Variants in DOCK3 observed in about 807,000 individuals in gnomAD.
DOCK3 encodes dedicator of cytokinesis protein 3.
A neutral mutation model predicts 265.6 loss-of-function variants in DOCK3; 60 were observed. The ratio of observed to expected loss-of-function variants is 0.23; its 90% CI spans 0.18 to 0.28. The LOEUF (loss-of-function observed/expected upper bound fraction) is 0.28. Among genes scored for constraint, DOCK3 ranks in the 10% least tolerant of loss-of-function variants. DOCK3 has a pLI of 1.00. For synonymous variants in DOCK3, 881 were observed against 938.0 expected, an observed-to-expected ratio of 0.94 and a Z score of 1.11; for missense variants, 1,981 against 2,594.3, an observed-to-expected ratio of 0.76 and a Z score of 5.14.
chr3:51,362,525 A>G lies in DOCK3; in HGVS notation c.5146-2A>G, dbSNP rs771627176. On this transcript the variant is annotated splice_acceptor_variant, in intron 48 of 52. Coordinates refer to ENST00000266037, the MANE Select transcript of DOCK3 (RefSeq NM_004947.5). LOFTEE classifies it high-confidence loss of function. ...ATCCTGCTGATTTTTCTCCCTTTGC[A>G]GCTCGCGTATCCCAACCCCAGGTAC... is the stretch of plus-strand genomic sequence containing the variant. 6.2e-7 allele frequency: 1 copy of G among 1,613,874 alleles called. No homozygotes were observed. Among genetic ancestry groups the G allele is most frequent in the Non-Finnish European group, 8.5e-7 (1 of 1,179,872 alleles).
chr3:50,677,488 C>T (rs143910532), intron 1 of DOCK3, among the ~76,000 whole-genome samples: 1 of 152,274 alleles, frequency 6.6e-6, no homozygotes, highest in Non-Finnish European at 1.5e-5. Context: ...AAAATATAAC[C>T]ATTATCATTT....
In DOCK3 at chr3:51,325,164, A is replaced by G. The variant is rs1354254652; in HGVS notation, c.3403-4974A>G. On this transcript the variant is annotated intron_variant, in intron 32 of 52. Coordinates refer to ENST00000266037, the MANE Select transcript of DOCK3 (RefSeq NM_004947.5). The stretch of plus-strand genomic sequence containing the variant: ...GAATAGGAGAAAATTTTTGCAATCT[A>G]TCCATCTGACAAAGGGCTAACATCC... 2.0e-5 allele frequency among the ~76,000 whole-genome samples: 3 copies of G among 152,292 alleles called. No homozygotes were observed. The East Asian group carries it at 5.8e-4, about 29-fold the overall frequency.
chr3:51,236,474 A>G, intron 20 of DOCK3, 46 bp downstream of exon 20: 1 of 1,531,430 alleles, frequency 6.5e-7, no homozygotes, highest in South Asian at 1.2e-5. Flanking sequence ...TATTCCTGTC[A>G]TATATTTCAG....
chr3:50,995,818 T>C (rs1349834644), intron 5 of DOCK3, among the ~76,000 whole-genome samples: 2 of 152,172 alleles, frequency 1.3e-5, no homozygotes, highest in African/African-American at 4.8e-5. Flanking sequence ...ATGTCAGGCA[T>C]TGGTCCTGTA....
chr3:50,945,843 A>C (rs2076411837), intron 5 of DOCK3, among the ~76,000 whole-genome samples: 1 of 152,136 alleles, frequency 6.6e-6, no homozygotes, highest in South Asian at 2.1e-4. Context: ...AAATGTCACA[A>C]TTTGCTAGCT....
At position 51,235,579 on chromosome 3, in the gene DOCK3, GT is replaced by G. The variant is rs139009330; in HGVS notation, c.1918-765del. 5.6e-3 allele frequency among the ~76,000 whole-genome samples: 846 copies of G among 151,800 alleles called. 4 individuals are homozygous for G. The highest frequency in any genetic ancestry group is 0.019 in the African/African-American group (790 of 41,364). On this transcript the variant is annotated intron_variant, in intron 19 of 52. Coordinates refer to ENST00000266037, the MANE Select transcript of DOCK3 (RefSeq NM_004947.5). ...CCCAAAGACCATTAACCCATGGCCA[GT>G]CTTGACCCATCATTATTACCCCTAT...
intron 31 of DOCK3, among the ~76,000 whole-genome samples, chr3:51,313,957 T>G (rs2083230111): frequency 6.6e-6 from 1 of 152,188 alleles, no homozygotes; most frequent in African/African-American, 2.4e-5. Flanking sequence ...AAACATTTGC[T>G]TCTTAGAATT....
At chr3:50,833,794 T>G (rs2045337675) in intron 2 of DOCK3, among the ~76,000 whole-genome samples, 1 of 152,214 alleles carries the variant, frequency 6.6e-6, no homozygotes, top group Admixed American at 6.5e-5. Context: ...TGTGTCCTGT[T>G]GCAAAAGAGA....
chr3:51,378,419 C>G (rs1465560586), intron 51 of DOCK3, among the ~76,000 whole-genome samples: 1 of 152,214 alleles, frequency 6.6e-6, no homozygotes, highest in Non-Finnish European at 1.5e-5. Context: ...AGCTCCTTCC[C>G]TTCCAAAGCC....
chr3:50,988,692 C>CT (rs2077994043), intron 5 of DOCK3, among the ~76,000 whole-genome samples: 1 of 152,158 alleles, frequency 6.6e-6, no homozygotes, highest in African/African-American at 2.4e-5. Flanking sequence ...GTTTTGCAGC[C>CT]GTCACTTGTG....
intron 9 of DOCK3, among the ~76,000 whole-genome samples, chr3:51,142,930 G>A (rs1026694562): frequency 2.0e-5 from 3 of 151,346 alleles, no homozygotes; most frequent in Non-Finnish European, 4.4e-5. Flanking sequence ...CTTGTTGCCC[G>A]GGCTGGAGTG....
intron 2 of DOCK3, among the ~76,000 whole-genome samples, chr3:50,827,655 A>C (rs2044847640): frequency 6.6e-6 from 1 of 152,110 alleles, no homozygotes; most frequent in South Asian, 2.1e-4. Flanking sequence ...AAGTAATGGC[A>C]AAAACCCCAA....
Position 50,968,878 on chromosome 3 carries a change from C to T in DOCK3, c.315+34801C>T, listed in dbSNP as rs183227684. 8.5e-4 allele frequency among the ~76,000 whole-genome samples: 129 copies of T among 152,182 alleles called. No individual in the cohort carries two copies. In the South Asian group the frequency reaches 0.017, roughly 21 times the overall value. ...ATTTCAATTTTTAAAAAATTTATTG[C>T]GACTAATTTTGTGTCCTGATATATA... On this transcript the variant is annotated intron_variant, in intron 5 of 52. Transcript: ENST00000266037.
rs184905512 is a variant in DOCK3 at position 51,329,352 on chromosome 3, C to T, written c.3403-786C>T. 5.9e-5 allele frequency among the ~76,000 whole-genome samples: 9 copies of T among 152,132 alleles called. No individual in the cohort carries two copies. In the East Asian group the frequency reaches 1.5e-3, roughly 26 times the overall value. On this transcript the variant is annotated intron_variant, in intron 32 of 52. Transcript: ENST00000266037. ...GACCACCATGGCACATGCTTACCCA[C>T]GTAACAAACCTGGCACAGGTACCAA...
At chr3:51,214,038 T>A in intron 13 of DOCK3, 84 bp from the exon 14 acceptor site, 1 of 1,573,078 alleles carries the variant, frequency 6.4e-7, no homozygotes, top group East Asian at 2.3e-5. Context: ...GCACATTTTC[T>A]TCTGGAAAAT....
At chr3:51,116,411 A>G (rs2083741643) in intron 9 of DOCK3, among the ~76,000 whole-genome samples, 2 of 131,244 alleles carry the variant, frequency 1.5e-5, no homozygotes, top group Admixed American at 9.9e-5. Context: ...AGATCGCGCC[A>G]CTGTACTCCA....
At position 50,779,377 on chromosome 3, in the gene DOCK3, A is replaced by G. The variant is rs545298974; in HGVS notation, c.121+619A>G. Among the ~76,000 whole-genome samples the G allele has an allele frequency of 3.3e-5, 5 of 151,674 alleles. No individual in the cohort carries two copies. In the South Asian group the frequency reaches 8.3e-4, roughly 25 times the overall value. ...AGAACAGGTCCTCAAATTTTTTTTA[A>G]TTTTTGTTTATTTATTTTTTTTTGA... On this transcript the variant is annotated intron_variant, in intron 2 of 52. Transcript: ENST00000266037.
At chr3:51,044,504 AAAT>A (rs2080677984) in intron 5 of DOCK3, among the ~76,000 whole-genome samples, 1 of 152,120 alleles carries the variant, frequency 6.6e-6, no homozygotes, top group African/African-American at 2.4e-5. Context: ...TTGGGTGATG[AAAT>A]AATCTGTACG....
intron 7 of DOCK3, among the ~76,000 whole-genome samples, chr3:51,088,394 A>G (rs955337857): frequency 2.0e-5 from 3 of 152,200 alleles, no homozygotes; most frequent in African/African-American, 4.8e-5. Context: ...CTACATTTCA[A>G]AGTAGCTAGA....
Sources: gnomAD v4.1 joint callset for allele counts (sites outside exome capture counted in the v4.1 genomes callset) on GRCh38, gnomAD v4.1.1 for gene constraint, MANE v1.5 for transcripts, NCBI Gene and HGNC (gene_info 2026-07-23, HGNC 2026-07-21) for gene names.